ODF2L: variants seen among roughly 807,000 people sequenced by gnomAD.
ODF2L encodes outer dense fiber of sperm tails 2 like, also known as protein BCAP.
ODF2L carries 76 observed loss-of-function variants against 86.3 expected under a neutral mutation model. That is an observed-to-expected ratio of 0.88 (90% CI 0.73 to 1.07). The LOEUF is 1.07. ODF2L is among the 50% of genes least tolerant of loss of function. The pLI, the probability that ODF2L is intolerant of heterozygous loss-of-function variation, is 0.00. For missense variants in ODF2L, 748 were observed against 717.4 expected (o/e 1.04, Z -0.49); for synonymous variants, 241 against 231.3 (o/e 1.04, Z -0.38).
chr1:86,377,998 T>G (rs1391529688), intron 7 of ODF2L, among the ~76,000 whole-genome samples: 1 of 152,246 alleles, frequency 6.6e-6, no homozygotes, highest in Non-Finnish European at 1.5e-5. Context: ...TTTCCAAACT[T>G]TTATGCTCTG....
In ODF2L at chr1:86,356,425, CAGA is replaced by C. The variant is rs142356442; in HGVS notation, c.1518+16_1518+18del. 5,323 of 1,586,546 alleles carry C rather than the reference CAGA, an allele frequency of 3.4e-3. 153 individuals are homozygous for C. In the African/African-American group the frequency reaches 0.062, roughly 18 times the overall value. On this transcript the variant is annotated intron_variant, in intron 14 of 17. Coordinates refer to ENST00000317336, the Ensembl canonical transcript of ODF2L. ...TTCTTTTAACGCATCTAGCAAAACT[CAGA>C]AGGACGGCTGGACACCTGGCCCTGA...
At chr1:86,357,294 C>T (rs527519662) in intron 13 of ODF2L, among the ~76,000 whole-genome samples, 21 of 151,608 alleles carry the variant, frequency 1.4e-4, no homozygotes, top group Middle Eastern at 3.5e-3. Flanking sequence ...GAGACAGGAA[C>T]ACCTAATAGT....
intron 13 of ODF2L, chr1:86,357,968 T>TA: frequency 2.0e-6 from 2 of 985,400 alleles, no homozygotes; most frequent in Non-Finnish European, 2.4e-6. Flanking sequence ...GCTGGCCTGC[T>TA]AAAAATAGGT....
At chr1:86,368,629 A>G (rs1353623966) in intron 11 of ODF2L, 15 of 1,422,528 alleles carry the variant, frequency 1.1e-5, no homozygotes, top group Non-Finnish European at 1.4e-5. Flanking sequence ...TATGAGTAAT[A>G]AAATACCTTT....
At chr1:86,373,481 A>C (rs1659952401) in intron 8 of ODF2L, among the ~76,000 whole-genome samples, 1 of 148,956 alleles carries the variant, frequency 6.7e-6, no homozygotes, top group African/African-American at 2.4e-5. Flanking sequence ...ATCTAGATAC[A>C]TATGTATATA....
exon 3 of ODF2L, chr1:86,385,564 T>G (rs779867038): frequency 6.2e-7 from 1 of 1,611,590 alleles, no homozygotes; most frequent in South Asian, 1.1e-5. Flanking sequence ...CAATTCAGTC[T>G]TTTCATTTAG....
chr1:86,358,031 T>C (rs950650042), intron 13 of ODF2L: 1 of 985,140 alleles, frequency 1.0e-6, no homozygotes, highest in Non-Finnish European at 1.2e-6. Flanking sequence ...GCTATCTTTA[T>C]GTCTGTATAA....
chr1:86,389,750 A>G (rs536964318), intron 1 of ODF2L, among the ~76,000 whole-genome samples: 5 of 152,308 alleles, frequency 3.3e-5, no homozygotes, highest in South Asian at 2.1e-4. Context: ...CACTCAGGCT[A>G]CTATGAACAC....
exon 14 of ODF2L, chr1:86,356,560 C>G: frequency 1.9e-6 from 3 of 1,614,072 alleles, no homozygotes; most frequent in Non-Finnish European, 2.5e-6. Flanking sequence ...GAATCGCAGA[C>G]ACGCTCTAAC....
chr1:86,363,140 T>C lies in ODF2L; in HGVS notation c.1144-2604A>G, dbSNP rs149143246. Among the ~76,000 whole-genome samples, 7 of 152,258 alleles carry C rather than the reference T, an allele frequency of 4.6e-5. No homozygotes were observed. In the East Asian group the frequency reaches 1.4e-3, roughly 29 times the overall value. ...AAATTTTGAATATACTTGAGGTGGA[T>C]TTGATGACAGACTGGAAGCAGCGTA... On this transcript the variant is annotated intron_variant, in intron 11 of 17. Transcript: ENST00000317336.
intron 1 of ODF2L, among the ~76,000 whole-genome samples, chr1:86,394,368 A>T (rs904468790): frequency 6.6e-6 from 1 of 151,110 alleles, no homozygotes; most frequent in Non-Finnish European, 1.5e-5. Context: ...GTGAGCCGAG[A>T]TCGCGCCACT....
At chr1:86,363,850 G>C (rs1659214109) in intron 11 of ODF2L, among the ~76,000 whole-genome samples, 1 of 151,848 alleles carries the variant, frequency 6.6e-6, no homozygotes, top group Admixed American at 6.6e-5. Flanking sequence ...GTGTTTAATA[G>C]AGGAGGTTAC....
rs973462472 is a variant in ODF2L, at chr1:86,385,643, T to C, written c.114-53A>G. On this transcript the variant is annotated intron_variant, in intron 2 of 17. Coordinates refer to ENST00000317336, the Ensembl canonical transcript of ODF2L. ...AAGTTAAATCCATTTCATTTAAAGATGCTCCTCAGAAATGCCATATCACCT... is the reference window on the plus strand; with the variant it reads ...AAGTTAAATCCATTTCATTTAAAGACGCTCCTCAGAAATGCCATATCACCT... 12 of 1,438,594 alleles carry C rather than the reference T, an allele frequency of 8.3e-6. No homozygotes were observed. The Admixed American group carries it at 1.9e-4, about 22-fold the overall frequency. The allele number at this position is 1,438,594 out of a possible 1,614,324, so 89.1% of individuals were successfully genotyped here. A position where few individuals can be genotyped will look rare whatever the true frequency, so the allele number is the denominator to read the frequency against.
chr1:86,392,716 C>T (rs1661419210), intron 1 of ODF2L, among the ~76,000 whole-genome samples: 1 of 152,086 alleles, frequency 6.6e-6, no homozygotes, highest in African/African-American at 2.4e-5. Flanking sequence ...ATTCAGTGTA[C>T]ACTGCTCAGG....
rs555714034 is a variant in ODF2L, at chr1:86,385,250, T to C, written c.246+208A>G. On this transcript the variant is annotated intron_variant, in intron 3 of 17. Coordinates refer to ENST00000317336, the Ensembl canonical transcript of ODF2L. Reference sequence around the variant, plus strand: ...ACATCCAAAATATATTGTTTCTAGCTTAGCCTCTTATCAGGTGTATGCTGA... The same window carrying C: ...ACATCCAAAATATATTGTTTCTAGCCTAGCCTCTTATCAGGTGTATGCTGA... 3.6e-4 allele frequency among the ~76,000 whole-genome samples: 55 copies of C among 152,182 alleles called. 1 individual carries two copies. The highest frequency in any genetic ancestry group is 1.2e-3 in the African/African-American group (51 of 41,582).
chr1:86,356,498 G>A, exon 14 of ODF2L: 1 of 1,613,892 alleles, frequency 6.2e-7, no homozygotes, highest in Non-Finnish European at 8.5e-7. Flanking sequence ...TCCCCTTGCA[G>A]CACTGCAGAC....
intron 1 of ODF2L, among the ~76,000 whole-genome samples, chr1:86,393,081 G>A (rs1661443868): frequency 1.3e-5 from 2 of 152,226 alleles, no homozygotes; most frequent in Admixed American, 6.5e-5. Context: ...AGAGAAAAAG[G>A]AAAATCATGG....
intron 12 of ODF2L, among the ~76,000 whole-genome samples, chr1:86,359,515 CATTCTT>C (rs1658864908): frequency 7.3e-6 from 1 of 136,644 alleles, no homozygotes; most frequent in South Asian, 2.4e-4. Flanking sequence ...ATCCTTAGTT[CATTCTT>C]TTTTTTTTTT....
At chr1:86,364,130 A>T (rs913388016) in intron 11 of ODF2L, among the ~76,000 whole-genome samples, 1 of 152,180 alleles carries the variant, frequency 6.6e-6, no homozygotes, top group East Asian at 1.9e-4. Flanking sequence ...TATAATTTAA[A>T]ATTAATTCAT....
Sources: gnomAD v4.1 joint callset for allele counts (sites outside exome capture counted in the v4.1 genomes callset) on GRCh38, gnomAD v4.1.1 for gene constraint, MANE v1.5 for transcripts, NCBI Gene and HGNC (gene_info 2026-07-23, HGNC 2026-07-21) for gene names.